Variants in AK2 observed in about 807,000 individuals in gnomAD.
AK2 encodes adenylate kinase 2.
Under a neutral mutation model 24.6 loss-of-function variants are expected in AK2, and 15 were observed. The ratio of observed to expected loss-of-function variants is 0.61; its 90% CI spans 0.41 to 0.94. AK2 has a LOEUF of 0.94. Ranked by LOEUF, AK2 falls within the 40% of genes least tolerant of loss-of-function variation. The probability of loss-of-function intolerance (pLI) is 0.00; values close to 1 mark genes in which losing one functional copy is unlikely to be tolerated. For synonymous variants in AK2, 102 were observed against 114.0 expected (o/e 0.90, Z 0.67); for missense variants, 257 against 304.1 (o/e 0.85, Z 1.15).
At chr1:33,016,052 C>A (rs1639165035) in intron 4 of AK2, among the ~76,000 whole-genome samples, 2 of 151,974 alleles carry the variant, frequency 1.3e-5, no homozygotes, top group Admixed American at 6.6e-5. Flanking sequence ...AGGGAGGTGA[C>A]AGTAGAGAAA....
At position 33,008,945 on chromosome 1, in the gene AK2, A is replaced by G; in HGVS notation, c.*4236T>C. 1 of 454,100 alleles carries G rather than the reference A, an allele frequency of 2.2e-6. No homozygotes were observed. Among genetic ancestry groups the G allele is most frequent in the Non-Finnish European group, 4.4e-6 (1 of 226,794 alleles). The allele number at this position is 454,100 out of a possible 1,614,324, so 28.1% of individuals were successfully genotyped here. On this transcript the variant is annotated 3_prime_UTR_variant, in exon 6 of 6. Transcript: ENST00000672715. Reference sequence around the variant, plus strand: ...GCTGCTTTGCAGGTTGGTTTGACAAACATTTCCCCACAATTAGATGCATGA... The same window carrying G: ...GCTGCTTTGCAGGTTGGTTTGACAAGCATTTCCCCACAATTAGATGCATGA...
In AK2 at chr1:33,013,357, C is replaced by A; in HGVS notation, c.544G>T (p.Ala182Ser). ...TAGGCTTGCAGGCGGATTTTCAAGG[C>A]CTTTTCATTATCATCTGATCGACGG... ...LIRRSDDNEK[A>S]LKIRLQAYHT... The change falls in exon 6 of 6, where the codon GCC (alanine) becomes TCC (serine). Residue 182 changes from alanine (A) to serine (S), a missense_variant. Coordinates refer to ENST00000672715, the MANE Select transcript of AK2 (RefSeq NM_001625.4). The A allele has an allele frequency of 1.2e-6, 2 of 1,614,134 alleles. No individual in the cohort carries two copies. Among genetic ancestry groups the A allele is most frequent in the African/African-American group, 2.7e-5 (2 of 75,024 alleles).
intron 4 of AK2, among the ~76,000 whole-genome samples, chr1:33,015,720 G>A (rs996752846): frequency 3.3e-5 from 5 of 151,920 alleles, no homozygotes; most frequent in Non-Finnish European, 5.9e-5. Context: ...GCGAAACCCC[G>A]TTTCTACTAA....
intron 4 of AK2, chr1:33,019,789 TA>T: frequency 9.2e-7 from 1 of 1,084,552 alleles, no homozygotes; most frequent in East Asian, 6.7e-5. Context: ...ATGGCCATAG[TA>T]TCATTTTAAC....
intron 1 of AK2, among the ~76,000 whole-genome samples, chr1:33,032,699 T>C (rs1640316853): frequency 6.6e-6 from 1 of 152,122 alleles, no homozygotes; most frequent in Non-Finnish European, 1.5e-5. Flanking sequence ...ACCCACCACC[T>C]GTGAAGTAGT....
intron 5 of AK2, 89 bp from the exon 6 acceptor site, chr1:33,013,491 T>A: frequency 6.5e-7 from 1 of 1,550,248 alleles, no homozygotes. Context: ...ATGGGACCAT[T>A]CTGCCCAGGA....
rs113711467 is a variant in AK2 at position 33,013,299 on chromosome 1, T to A, written c.602A>T (p.Tyr201Phe). ...GGCGGAGTGGATCCCCCGTTTCCTG[T>A]AGTACTCTATGAGTGGGGTGGTTTG... ...HTQTTPLIEY[Y>F]RKRGIHSAID... is the part of the protein sequence containing the mutation. The change falls in exon 6 of 6, where the codon TAC (tyrosine) becomes TTC (phenylalanine). Residue 201 changes from tyrosine (Y) to phenylalanine (F), a missense_variant. Transcript: ENST00000672715. The A allele has an allele frequency of 4.4e-4, 671 of 1,523,514 alleles. No homozygotes were observed. The highest frequency in any genetic ancestry group is 7.5e-4 in the Admixed American group (42 of 55,694). 94.4% of individuals were successfully genotyped at this position (1,523,514 alleles called of 1,614,324 possible).
Position 33,036,854 on chromosome 1 carries a change from CAG to C in AK2, c.-28_-27del. ...GTCCGCCGAAGTCTCTCACTGCCAC[CAG>C]TTCGCACGCCTCACAGGTCCAGTGC... is the stretch of plus-strand genomic sequence containing the variant. On this transcript the variant is annotated 5_prime_UTR_variant, in exon 1 of 6. Coordinates refer to ENST00000672715, the MANE Select transcript of AK2 (RefSeq NM_001625.4). 1 of 1,560,598 alleles carries C rather than the reference CAG, an allele frequency of 6.4e-7. No homozygotes were observed. Among genetic ancestry groups the C allele is most frequent in the Non-Finnish European group, 8.7e-7 (1 of 1,150,002 alleles).
Position 33,008,718 on chromosome 1 carries a change from C to T in AK2, c.*4463G>A, listed in dbSNP as rs1414719472. On this transcript the variant is annotated 3_prime_UTR_variant, in exon 6 of 6. Coordinates refer to ENST00000672715, the MANE Select transcript of AK2 (RefSeq NM_001625.4). ...AAAGTGAAGGACAGTTCTGACTCCA[C>T]AGGGTGCTGTGTGAGGGTTACGTGA... 2.2e-6 allele frequency: 1 copy of T among 454,138 alleles called. No individual in the cohort carries two copies. Among genetic ancestry groups the T allele is most frequent in the Admixed American group, 2.3e-5 (1 of 42,578 alleles). 28.1% of individuals were successfully genotyped at this position (454,138 alleles called of 1,614,324 possible).
chr1:33,028,229 CG>C (rs1352968491), intron 1 of AK2, among the ~76,000 whole-genome samples: 1 of 152,002 alleles, frequency 6.6e-6, no homozygotes, highest in African/African-American at 2.4e-5. Flanking sequence ...TCCGGCTGGG[CG>C]CGGTGGCTCA....
At chr1:33,024,228 C>G in intron 2 of AK2, 1 of 649,756 alleles carries the variant, frequency 1.5e-6, no homozygotes, top group Non-Finnish European at 2.7e-6. Context: ...CCCTCTAGCA[C>G]ATGGTTGTTC....
Position 33,011,674 on chromosome 1 carries a change from C to G in AK2, c.*1507G>C, listed in dbSNP as rs1193146955. ...TTCTAATGGTTTTTCCAGAGGCTGC[C>G]GTTTTTGTGGTCCTTCATAGCAGTC... On this transcript the variant is annotated 3_prime_UTR_variant, in exon 6 of 6. Coordinates refer to ENST00000672715, the MANE Select transcript of AK2 (RefSeq NM_001625.4). 5.4e-6 allele frequency: 7 copies of G among 1,301,974 alleles called. No individual in the cohort carries two copies. Among genetic ancestry groups the G allele is most frequent in the Non-Finnish European group, 4.0e-6 (4 of 999,136 alleles). The allele number at this position is 1,301,974 out of a possible 1,614,324, so 80.7% of individuals were successfully genotyped here.
chr1:33,026,566 TGGGAGGCCAAGG>T (rs1639897799), intron 1 of AK2, among the ~76,000 whole-genome samples: 2 of 152,198 alleles, frequency 1.3e-5, no homozygotes, highest in Admixed American at 1.3e-4. Flanking sequence ...CCCAGCACTT[TGGGAGGCCAAGG>T]CGGGTGGATC....
chr1:33,011,116 C>T lies in AK2; in HGVS notation c.*2065G>A. On this transcript the variant is annotated 3_prime_UTR_variant, in exon 6 of 6. Transcript: ENST00000672715. ...GTACATGTTGTATGCACACGTGAAT[C>T]TATGTGGACGGATGACAAATATTTG... 7.1e-7 allele frequency: 1 copy of T among 1,417,144 alleles called. No individual in the cohort carries two copies. The highest frequency in any genetic ancestry group is 9.2e-7 in the Non-Finnish European group (1 of 1,088,210). 87.8% of individuals were successfully genotyped at this position (1,417,144 alleles called of 1,614,324 possible). A position where few individuals can be genotyped will look rare whatever the true frequency, so the allele number is the denominator to read the frequency against.
In AK2 at chr1:33,021,404, T is replaced by C. The variant is rs1639544062; in HGVS notation, c.388A>G (p.Ile130Val). Reference sequence around the variant, plus strand: ...CTTCGGATCAGCAGAGAGTCTGGGATGCTGAATTCAATCACAGAATCAAGC... The same window carrying C: ...CTTCGGATCAGCAGAGAGTCTGGGACGCTGAATTCAATCACAGAATCAAGC... ...EKLDSVIEFSIPDSLLIRRIT... is the reference protein window; with the variant it reads ...EKLDSVIEFSVPDSLLIRRIT... Residue 130 changes from isoleucine (I) to valine (V), a missense_variant, in exon 4 of 6, where the codon ATC becomes GTC. Transcript: ENST00000672715. 1 of 1,613,960 alleles carries C rather than the reference T, an allele frequency of 6.2e-7. No individual in the cohort carries two copies. Among genetic ancestry groups the C allele is most frequent in the African/African-American group, 1.3e-5 (1 of 74,928 alleles).
At chr1:33,024,240 A>G in intron 2 of AK2, 1 of 704,360 alleles carries the variant, frequency 1.4e-6, no homozygotes, top group Non-Finnish European at 2.4e-6. Flanking sequence ...TGGTTGTTCA[A>G]CAGAATTTTG....
chr1:33,011,099 T>G lies in AK2; in HGVS notation c.*2082A>C. 5.6e-6 allele frequency: 8 copies of G among 1,434,994 alleles called. No homozygotes were observed. The highest frequency in any genetic ancestry group is 7.3e-6 in the Non-Finnish European group (8 of 1,099,316). The allele number at this position is 1,434,994 out of a possible 1,614,324, so 88.9% of individuals were successfully genotyped here. A position where few individuals can be genotyped will look rare whatever the true frequency, so the allele number is the denominator to read the frequency against. ...CAGCCCAAATATTACTTGTACATGTTGTATGCACACGTGAATCTATGTGGA... is the reference window on the plus strand; with the variant it reads ...CAGCCCAAATATTACTTGTACATGTGGTATGCACACGTGAATCTATGTGGA... On this transcript the variant is annotated 3_prime_UTR_variant, in exon 6 of 6. Transcript: ENST00000672715.
Position 33,012,551 on chromosome 1 carries a change from C to G in AK2, c.*630G>C. 3 of 1,312,318 alleles carry G rather than the reference C, an allele frequency of 2.3e-6. No homozygotes were observed. Among genetic ancestry groups the G allele is most frequent in the Non-Finnish European group, 3.0e-6 (3 of 1,006,130 alleles). The allele number at this position is 1,312,318 out of a possible 1,614,324, so 81.3% of individuals were successfully genotyped here. Reference sequence around the variant, plus strand: ...TGGAATTGCGGTCCCTGGAAGATTACCTGGGTTAGTTCATTTTGGTCAAAA... The same window carrying G: ...TGGAATTGCGGTCCCTGGAAGATTAGCTGGGTTAGTTCATTTTGGTCAAAA... On this transcript the variant is annotated 3_prime_UTR_variant, in exon 6 of 6. Transcript: ENST00000672715.
Position 33,012,962 on chromosome 1 carries a change from C to G in AK2, c.*219G>C, listed in dbSNP as rs13376642. 0.01 allele frequency: 15,828 copies of G among 1,558,038 alleles called. 1,288 individuals are homozygous for G. In the African/African-American group the frequency reaches 0.18, roughly 18 times the overall value. ...ACCTAGCCTAAAACTTACAAAGTAG[C>G]AGAGTGAACACATATGTGCATGCAC... On this transcript the variant is annotated 3_prime_UTR_variant, in exon 6 of 6. Coordinates refer to ENST00000672715, the MANE Select transcript of AK2 (RefSeq NM_001625.4).
Sources: allele counts gnomAD v4.1 joint callset (sites outside exome capture counted in the v4.1 genomes callset), GRCh38; gene constraint gnomAD v4.1.1; transcripts MANE v1.5; gene names NCBI Gene and HGNC (gene_info 2026-07-23, HGNC 2026-07-21).